Variants in MCTP2 observed in about 807,000 individuals in gnomAD.
MCTP2 encodes multiple C2 and transmembrane domain-containing protein 2.
A neutral mutation model predicts 111.6 loss-of-function variants in MCTP2; 132 were observed. The ratio of observed to expected loss-of-function variants is 1.18; its 90% confidence interval spans 1.03 to 1.37. MCTP2 has a LOEUF of 1.37. Ranked by LOEUF, MCTP2 falls within the 40% of genes most tolerant of loss-of-function variation. The probability of loss-of-function intolerance (pLI) is 0.00; values close to 1 mark genes in which losing one functional copy is unlikely to be tolerated. For missense variants in MCTP2, 1,183 were observed against 1,067.9 expected (o/e 1.11, Z -1.50); for synonymous variants, 395 against 387.7 (o/e 1.02, Z -0.22).
intron 13 of MCTP2, among the ~76,000 whole-genome samples, chr15:94,384,938 A>G (rs1314770427): frequency 6.6e-6 from 1 of 152,190 alleles, no homozygotes; most frequent in East Asian, 1.9e-4. Context: ...TCTGGTCAAT[A>G]TTAAAATATG....
In MCTP2 at chr15:94,415,630, G is replaced by A. The variant is rs1456655362; in HGVS notation, c.2085+13611G>A. ...GTGAACTTTAGGATTCCCTCGGTGC[G>A]TCCCCCCAACCTCACCCCTCCCAAC... On this transcript the variant is annotated intron_variant, in intron 17 of 22. Transcript: ENST00000357742. Among the ~76,000 whole-genome samples, 6 of 151,780 alleles carry A rather than the reference G, an allele frequency of 4.0e-5. No individual in the cohort carries two copies. In the South Asian group the frequency reaches 6.2e-4, roughly 16 times the overall value.
intron 1 of MCTP2, among the ~76,000 whole-genome samples, chr15:94,248,406 A>G (rs117442472): frequency 0.038 from 5,720 of 152,262 alleles, 213 homozygotes; most frequent in East Asian, 0.12. Context: ...GTGGCTCAGT[A>G]GATCCTACCT....
At chr15:94,239,964 G>A (rs953712307) in intron 1 of MCTP2, among the ~76,000 whole-genome samples, 35 of 152,180 alleles carry the variant, frequency 2.3e-4, no homozygotes, top group African/African-American at 4.1e-4. Context: ...CCAAAGCCAC[G>A]TGTCAGTTTC....
intron 4 of MCTP2, among the ~76,000 whole-genome samples, chr15:94,330,974 T>A (rs2077108144): frequency 6.6e-6 from 1 of 152,120 alleles, no homozygotes; most frequent in Admixed American, 6.5e-5. Flanking sequence ...GCTCAAGCAA[T>A]CCACCTGCCT....
At chr15:94,251,754 G>A (rs894895586) in intron 1 of MCTP2, among the ~76,000 whole-genome samples, 1 of 152,144 alleles carries the variant, frequency 6.6e-6, no homozygotes, top group African/African-American at 2.4e-5. Flanking sequence ...TTCATTTTGT[G>A]TAACTGAAAC....
chr15:94,350,313 C>T (rs2078234611), intron 8 of MCTP2, among the ~76,000 whole-genome samples: 1 of 152,140 alleles, frequency 6.6e-6, no homozygotes, highest in African/African-American at 2.4e-5. Context: ...CGGGGCTGGG[C>T]ACGGTGGCTC....
chr15:94,258,104 G>C (rs2072949886), intron 1 of MCTP2, among the ~76,000 whole-genome samples: 1 of 139,414 alleles, frequency 7.2e-6, no homozygotes, highest in Admixed American at 7.7e-5. Context: ...TCGAACCCCT[G>C]ACCTCAAGTA....
intron 1 of MCTP2, among the ~76,000 whole-genome samples, chr15:94,245,828 C>A (rs941932819): frequency 4.0e-5 from 6 of 150,746 alleles, no homozygotes; most frequent in African/African-American, 1.5e-4. Flanking sequence ...CTGATTGCTC[C>A]CCCCCCAGCC....
At chr15:94,459,832 T>C (rs969010278) in intron 20 of MCTP2, among the ~76,000 whole-genome samples, 1 of 152,182 alleles carries the variant, frequency 6.6e-6, no homozygotes, top group Non-Finnish European at 1.5e-5. Context: ...CCAACTGTTA[T>C]CGCATGCCAG....
At chr15:94,374,692 C>T (rs182358919) in intron 12 of MCTP2, among the ~76,000 whole-genome samples, 100 of 152,254 alleles carry the variant, frequency 6.6e-4, no homozygotes, top group African/African-American at 2.2e-3. Context: ...AGGCAAGAGG[C>T]CATTCTTCAG....
intron 12 of MCTP2, among the ~76,000 whole-genome samples, chr15:94,376,684 T>C (rs1219315624): frequency 2.0e-5 from 3 of 152,344 alleles, no homozygotes; most frequent in African/African-American, 4.8e-5. Flanking sequence ...TTTTAGATCA[T>C]GTTAGACATA....
intron 2 of MCTP2, among the ~76,000 whole-genome samples, chr15:94,302,311 A>ACT (rs1567365783): frequency 6.6e-6 from 1 of 152,230 alleles, no homozygotes; most frequent in African/African-American, 2.4e-5. Flanking sequence ...ACAGGACCCC[A>ACT]AATATCAGCA....
chr15:94,460,250 A>C (rs1049578264), intron 20 of MCTP2, among the ~76,000 whole-genome samples: 1 of 152,196 alleles, frequency 6.6e-6, no homozygotes, highest in Non-Finnish European at 1.5e-5. Flanking sequence ...GAAGAAACTT[A>C]TCAGCATCTC....
At chr15:94,237,727 C>T (rs1186327743) in intron 1 of MCTP2, among the ~76,000 whole-genome samples, 4 of 152,108 alleles carry the variant, frequency 2.6e-5, no homozygotes, top group Non-Finnish European at 5.9e-5. Context: ...TCTTTTTCTT[C>T]CAGGCCCTCC....
chr15:94,371,329 GTTAA>G (rs2079474191), intron 12 of MCTP2, among the ~76,000 whole-genome samples: 1 of 152,098 alleles, frequency 6.6e-6, no homozygotes. Flanking sequence ...GTAATCTCAT[GTTAA>G]TTAAGACATT....
chr15:94,245,886 A>G (rs1410248356), intron 1 of MCTP2, among the ~76,000 whole-genome samples: 1 of 152,012 alleles, frequency 6.6e-6, no homozygotes, highest in South Asian at 2.1e-4. Flanking sequence ...GGCAATAGAG[A>G]AAATGGAAAT....
intron 2 of MCTP2, among the ~76,000 whole-genome samples, chr15:94,312,181 G>T (rs1382630285): frequency 6.6e-6 from 1 of 152,126 alleles, no homozygotes; most frequent in Non-Finnish European, 1.5e-5. Context: ...GTGAAGGCAT[G>T]GTTATTGATG....
Position 94,400,422 on chromosome 15 carries a change from T to G in MCTP2, c.1965+427T>G, listed in dbSNP as rs530236821. 7.9e-5 allele frequency among the ~76,000 whole-genome samples: 12 copies of G among 152,246 alleles called. No homozygotes were observed. In the East Asian group the frequency reaches 2.1e-3, roughly 27 times the overall value. On this transcript the variant is annotated intron_variant, in intron 16 of 22. Transcript: ENST00000357742. ...ATTAACCCAGCAGATCTTCAGAGAC[T>G]TCTAGCCTGGGTTTCGCTCATGACT... is the stretch of plus-strand genomic sequence containing the variant.
chr15:94,327,838 T>C (rs977378273), intron 4 of MCTP2, among the ~76,000 whole-genome samples: 5 of 152,182 alleles, frequency 3.3e-5, no homozygotes, highest in Non-Finnish European at 5.9e-5. Flanking sequence ...CTCTGAAGAT[T>C]TTTGTTGTAT....
Sources: gnomAD v4.1 joint callset for allele counts (sites outside exome capture counted in the v4.1 genomes callset) on GRCh38, gnomAD v4.1.1 for gene constraint, MANE v1.5 for transcripts, NCBI Gene and HGNC (gene_info 2026-07-23, HGNC 2026-07-21) for gene names.